The following CTTN variants were observed in gnomAD, a reference collection of about 807,000 sequenced individuals.
CTTN encodes the protein src substrate cortactin.
CTTN carries 28 observed loss-of-function variants against 84.0 expected under a neutral mutation model. The ratio of observed to expected loss-of-function variants is 0.33; its 90% CI spans 0.25 to 0.46. CTTN has a LOEUF of 0.46. Among genes scored for constraint, CTTN ranks in the 20% least tolerant of loss-of-function variants. The pLI, the probability that CTTN is intolerant of heterozygous loss-of-function variation, is 1.00. For missense variants in CTTN, 641 were observed against 723.8 expected, an observed-to-expected ratio of 0.89 and a Z score of 1.31; for synonymous variants, 301 against 288.8, an observed-to-expected ratio of 1.04 and a Z score of -0.43.
chr11:70,404,100 A>G (rs1437574726), intron 1 of CTTN, among the ~76,000 whole-genome samples: 1 of 152,224 alleles, frequency 6.6e-6, no homozygotes, highest in Non-Finnish European at 1.5e-5. Flanking sequence ...TAACTGCAGT[A>G]ACCAGAATGT....
At chr11:70,423,560 C>T (rs1033436320) in intron 12 of CTTN, among the ~76,000 whole-genome samples, 5 of 152,336 alleles carry the variant, frequency 3.3e-5, no homozygotes, top group Admixed American at 2.6e-4. Context: ...AGCAGGTGTT[C>T]GGGCTGGGCT....
At chr11:70,413,817 G>A (rs2058123602) in intron 5 of CTTN, among the ~76,000 whole-genome samples, 1 of 152,218 alleles carries the variant, frequency 6.6e-6, no homozygotes. Context: ...AAAATAGTTT[G>A]CTGGCAGACT....
intron 5 of CTTN, among the ~76,000 whole-genome samples, chr11:70,411,786 T>C (rs1192797040): frequency 6.6e-6 from 1 of 152,122 alleles, no homozygotes; most frequent in African/African-American, 2.4e-5. Flanking sequence ...CTTCCCTCTC[T>C]CCTGTGCGGT....
intron 13 of CTTN, among the ~76,000 whole-genome samples, chr11:70,428,795 G>A (rs182255176): frequency 7.2e-5 from 11 of 152,366 alleles, no homozygotes; most frequent in African/African-American, 1.7e-4. Flanking sequence ...TGAAGATACC[G>A]TCTTATTTAG....
chr11:70,424,876 C>T (rs1418890569), intron 12 of CTTN, among the ~76,000 whole-genome samples: 2 of 152,086 alleles, frequency 1.3e-5, no homozygotes, highest in Admixed American at 6.5e-5. Context: ...TGAGTCAGCA[C>T]GTAAGAGTCA....
chr11:70,423,209 T>A lies in CTTN; in HGVS notation c.957+214T>A, dbSNP rs113133948. 2.9e-3 allele frequency among the ~76,000 whole-genome samples: 438 copies of A among 152,178 alleles called. 3 individuals carry two copies. The highest frequency in any genetic ancestry group is 9.8e-3 in the African/African-American group (407 of 41,518). On this transcript the variant is annotated intron_variant, in intron 12 of 17. Coordinates refer to ENST00000301843, the MANE Select transcript of CTTN (RefSeq NM_005231.4). The stretch of plus-strand genomic sequence containing the variant: ...CGCTGGCACCGGCCCACCTCCTAAC[T>A]GGGGGCCCCAGGCCAGGCAGGCTCA...
At chr11:70,411,494 G>A (rs1333839851) in intron 5 of CTTN, among the ~76,000 whole-genome samples, 1 of 152,206 alleles carries the variant, frequency 6.6e-6, no homozygotes, top group Non-Finnish European at 1.5e-5. Context: ...GTAGATAGGA[G>A]CCTTTCCCAC....
chr11:70,411,158 CCT>C (rs1208289907), intron 5 of CTTN, among the ~76,000 whole-genome samples: 1 of 152,224 alleles, frequency 6.6e-6, no homozygotes, highest in African/African-American at 2.4e-5. Flanking sequence ...CAGACGGACC[CCT>C]GAGTTCAGTG....
At chr11:70,403,949 T>C (rs1238349233) in intron 1 of CTTN, among the ~76,000 whole-genome samples, 1 of 152,192 alleles carries the variant, frequency 6.6e-6, no homozygotes. Flanking sequence ...GGTGTGATCA[T>C]GGCTCACTGC....
chr11:70,406,740 A>G (rs761251330), intron 2 of CTTN, among the ~76,000 whole-genome samples: 14 of 152,178 alleles, frequency 9.2e-5, no homozygotes, highest in Non-Finnish European at 2.1e-4. Flanking sequence ...GAGTAAAGCA[A>G]TTCTCCAATA....
chr11:70,433,883 C>G lies in CTTN; in HGVS notation c.1516+165C>G, dbSNP rs183724861. Among the ~76,000 whole-genome samples the G allele has an allele frequency of 2.7e-3, 416 of 152,216 alleles. 1 individual carries two copies. Among genetic ancestry groups the G allele is most frequent in the South Asian group, 4.6e-3 (22 of 4,814 alleles). On this transcript the variant is annotated intron_variant, in intron 17 of 17. Transcript: ENST00000301843. ...GTTGCAGGTATAGTGCCAAGAACTC[C>G]CATGTTCCCTACCCGGATTCCATCT...
Position 70,421,788 on chromosome 11 carries a change from A to G in CTTN, c.901+208A>G, listed in dbSNP as rs2058239441. The stretch of plus-strand genomic sequence containing the variant: ...TCACTTTCTTCCCTGTGAACTTGTG[A>G]TCTGTGTATGGCAGGATGCGCCAGT... On this transcript the variant is annotated intron_variant, in intron 11 of 17. Coordinates refer to ENST00000301843, the MANE Select transcript of CTTN (RefSeq NM_005231.4). 1.2e-5 allele frequency: 7 copies of G among 578,390 alleles called. No homozygotes were observed. In the South Asian group the frequency reaches 1.4e-4, roughly 12 times the overall value. 35.8% of individuals were successfully genotyped at this position (578,390 alleles called of 1,614,324 possible).
intron 7 of CTTN, chr11:70,416,737 AGTT>A (rs2058166156): frequency 8.5e-6 from 3 of 351,014 alleles, no homozygotes; most frequent in African/African-American, 6.2e-5. Context: ...TTACCTGAGC[AGTT>A]GATTTTCAAA....
intron 13 of CTTN, among the ~76,000 whole-genome samples, chr11:70,426,491 A>C (rs2058302799): frequency 6.6e-6 from 1 of 151,840 alleles, no homozygotes; most frequent in Non-Finnish European, 1.5e-5. Context: ...TCATCCAGGC[A>C]GGACTGCTGC....
At chr11:70,414,159 C>T (rs563012664) in intron 5 of CTTN, among the ~76,000 whole-genome samples, 111 of 152,292 alleles carry the variant, frequency 7.3e-4, no homozygotes, top group African/African-American at 2.6e-3. Flanking sequence ...TCCTGGCTAA[C>T]ACGGTGAAAC....
chr11:70,409,806 TC>T (rs750746277), intron 4 of CTTN, 24 bp from the exon 5 acceptor site: 2 of 1,613,040 alleles, frequency 1.2e-6, no homozygotes, highest in Admixed American at 1.7e-5. Flanking sequence ...ATTGATCTGT[TC>T]CTATTTTCAT....
intron 1 of CTTN, among the ~76,000 whole-genome samples, chr11:70,404,289 G>A (rs892568228): frequency 2.0e-5 from 3 of 152,214 alleles, no homozygotes; most frequent in Admixed American, 6.5e-5. Flanking sequence ...TGTTCCTAGG[G>A]ACAAGGGGAT....
Position 70,409,952 on chromosome 11 carries a change from A to G in CTTN, c.283A>G (p.Met95Val). The G allele has an allele frequency of 6.2e-7, 1 of 1,613,970 alleles. No homozygotes were observed. The highest frequency in any genetic ancestry group is 8.5e-7 in the Non-Finnish European group (1 of 1,180,006). ...GAAATTTGGTGTGGAACAAGACCGAATGGATAAGGTAAGTGGCCCGCGGCT... is the reference window on the plus strand; with the variant it reads ...GAAATTTGGTGTGGAACAAGACCGAGTGGATAAGGTAAGTGGCCCGCGGCT... ...GGKFGVEQDR[M>V]DKSAVGHEYQ... Residue 95 changes from methionine (M) to valine (V), a missense_variant, in exon 5 of 18, where the codon ATG (methionine) becomes GTG (valine). Met to Val is a conservative substitution (Grantham distance 21). Around this residue, in one of 3 missense-constraint regions of CTTN, gnomAD observed 284 missense variants for 348.4 expected, o/e 0.82. Coordinates refer to ENST00000301843, the MANE Select transcript of CTTN (RefSeq NM_005231.4).
At chr11:70,423,442 G>A (rs1013995290) in intron 12 of CTTN, among the ~76,000 whole-genome samples, 6 of 152,196 alleles carry the variant, frequency 3.9e-5, no homozygotes, top group South Asian at 2.1e-4. Context: ...GTAGAGACGC[G>A]GGCTCCACAC....
Sources: allele counts gnomAD v4.1 joint callset (sites outside exome capture counted in the v4.1 genomes callset), GRCh38; gene constraint gnomAD v4.1.1; regional missense constraint gnomAD v4.1.1; transcripts MANE v1.5; gene names NCBI Gene and HGNC (gene_info 2026-07-23, HGNC 2026-07-21).